SLC2A14: variants seen among roughly 807,000 people sequenced by gnomAD.
SLC2A14 encodes solute carrier family 2, facilitated glucose transporter member 14.
Under a neutral mutation model 43.0 loss-of-function variants are expected in SLC2A14, and 13 were observed. The observed-to-expected ratio is 0.30, with a 90% CI of 0.20 to 0.48. SLC2A14 has a LOEUF of 0.48. Ranked by LOEUF, SLC2A14 falls within the 20% of genes least tolerant of loss-of-function variation. SLC2A14 has a pLI of 0.99. For synonymous variants in SLC2A14, 190 were observed against 233.8 expected (o/e 0.81, Z 1.71); for missense variants, 428 against 620.4 (o/e 0.69, Z 3.29).
chr12:7,838,300 CTGG>C (rs1282551367), intron 2 of SLC2A14, among the ~76,000 whole-genome samples: 2 of 151,506 alleles, frequency 1.3e-5, no homozygotes, highest in Non-Finnish European at 2.9e-5. Context: ...ATTGGCCAGG[CTGG>C]TCTTGAACTC....
chr12:7,877,959 T>A (rs1212898632), upstream of SLC2A14, among the ~76,000 whole-genome samples: 2 of 152,130 alleles, frequency 1.3e-5, no homozygotes, highest in Non-Finnish European at 2.9e-5. Context: ...GTTAGGCTGG[T>A]CTCGAACTCC....
intron 2 of SLC2A14, among the ~76,000 whole-genome samples, chr12:7,845,553 G>A (rs1044543503): frequency 2.6e-5 from 4 of 151,608 alleles, no homozygotes; most frequent in Non-Finnish European, 5.9e-5. Context: ...GCCGAGGCGG[G>A]TGGATCATGA....
intron 7 of SLC2A14, among the ~76,000 whole-genome samples, chr12:7,827,020 TCTC>T (rs1159621518): frequency 4.5e-5 from 6 of 132,740 alleles, no homozygotes; most frequent in Non-Finnish European, 6.7e-5. Context: ...TCTCTCTTTC[TCTC>T]CTTTCTCTCT....
At chr12:7,827,091 CTTTCTCTT>C (rs1302002677) in intron 7 of SLC2A14, among the ~76,000 whole-genome samples, 14 of 111,464 alleles carry the variant, frequency 1.3e-4, no homozygotes, top group Admixed American at 3.0e-4. Flanking sequence ...TTCTTTCTTT[CTTTCTCTT>C]TCTTTCTTTC....
intron 1 of SLC2A14, among the ~76,000 whole-genome samples, chr12:7,883,601 T>C (rs1340565365): frequency 1.4e-5 from 2 of 138,096 alleles, no homozygotes; most frequent in East Asian, 2.1e-4. Context: ...TTTTTTTTTT[T>C]TTTTTTTTTT....
At position 7,883,517 on chromosome 12, in the gene SLC2A14, C is replaced by T. The variant is rs189849449; in HGVS notation, c.132+7479G>A. 1.6e-3 allele frequency among the ~76,000 whole-genome samples: 233 copies of T among 149,682 alleles called. 1 individual carries two copies. Among genetic ancestry groups the T allele is most frequent in the African/African-American group, 5.0e-3 (203 of 40,838 alleles). On this transcript the variant is annotated intron_variant, in intron 1 of 9. Coordinates refer to the SLC2A14 transcript ENST00000539924. The stretch of plus-strand genomic sequence containing the variant: ...TCCTGACCTCATGATCCGCCTGCCT[C>T]GGCCTCCCAAAGTGCTGAGATTACA...
intron 1 of SLC2A14, among the ~76,000 whole-genome samples, chr12:7,889,634 C>T (rs955187038): frequency 6.6e-6 from 1 of 151,210 alleles, no homozygotes; most frequent in African/African-American, 2.4e-5. Flanking sequence ...CTCCCAGGTT[C>T]AAGCGATTCT....
chr12:7,883,508 C>T (rs1289166910), intron 1 of SLC2A14, among the ~76,000 whole-genome samples: 4 of 146,980 alleles, frequency 2.7e-5, no homozygotes, highest in Admixed American at 6.9e-5. Flanking sequence ...CCTCATGATC[C>T]GCCTGCCTCG....
chr12:7,871,171 G>C, intron 1 of SLC2A14: 1 of 1,259,088 alleles, frequency 7.9e-7, no homozygotes, highest in South Asian at 1.7e-5. Context: ...GATCCAAAAC[G>C]CCTTCACCTG....
intron 2 of SLC2A14, among the ~76,000 whole-genome samples, chr12:7,847,321 G>C (rs1255333538): frequency 6.6e-6 from 1 of 152,064 alleles, no homozygotes; most frequent in Non-Finnish European, 1.5e-5. Flanking sequence ...TTGTACCACT[G>C]TACCAATTAT....
intron 2 of SLC2A14, among the ~76,000 whole-genome samples, chr12:7,844,601 A>G (rs543844573): frequency 6.1e-4 from 92 of 151,390 alleles, no homozygotes; most frequent in Non-Finnish European, 1.1e-3. Flanking sequence ...CAGTGGCACA[A>G]TCTCGGCTCA....
chr12:7,873,232 G>A (rs191963754), upstream of SLC2A14: 83 of 985,486 alleles, frequency 8.4e-5, no homozygotes, highest in East Asian at 6.2e-3. Context: ...GGGTGTGAAC[G>A]TATCTATTTT....
At chr12:7,849,046 G>T (rs1187297174) in intron 2 of SLC2A14, among the ~76,000 whole-genome samples, 1 of 151,918 alleles carries the variant, frequency 6.6e-6, no homozygotes, top group Admixed American at 6.6e-5. Flanking sequence ...TAGAGACAGG[G>T]TTTTGCCATG....
intron 2 of SLC2A14, among the ~76,000 whole-genome samples, chr12:7,839,327 A>C (rs2120841869): frequency 6.8e-6 from 1 of 147,894 alleles, no homozygotes; most frequent in Non-Finnish European, 1.5e-5. Context: ...CAGCATTTCA[A>C]ACAGAAGGCA....
At chr12:7,890,851 G>T (rs190062869) in intron 1 of SLC2A14, 15 of 820,060 alleles carry the variant, frequency 1.8e-5, no homozygotes, top group Admixed American at 3.4e-5. Context: ...CTCAGCCTCG[G>T]TGAGTCTTGG....
rs1863141263 is a variant in SLC2A14 at position 7,812,644 on chromosome 12, G to A, written c.*1672C>T. The A allele has an allele frequency of 6.6e-6, 1 of 152,160 alleles. No homozygotes were observed. The highest frequency in any genetic ancestry group is 1.5e-5 in the Non-Finnish European group (1 of 68,038). The allele number at this position is 152,160 out of a possible 1,614,324, so 9.4% of individuals were successfully genotyped here. A position where few individuals can be genotyped will look rare whatever the true frequency, so the allele number is the denominator to read the frequency against. On this transcript the variant is annotated 3_prime_UTR_variant, in exon 11 of 11. Transcript: ENST00000431042. ...AACTTCCCTGCCTTACTGCCAAACT[G>A]AGGAGCCAGAAGTTGACGTGAAGTT...
intron 2 of SLC2A14, among the ~76,000 whole-genome samples, chr12:7,843,018 G>A (rs538507157): frequency 1.1e-4 from 16 of 152,114 alleles, no homozygotes; most frequent in Middle Eastern, 3.4e-3. Flanking sequence ...GTGAGCCACC[G>A]CGCCTGGCCA....
At chr12:7,846,369 A>G (rs1437751439) in intron 2 of SLC2A14, among the ~76,000 whole-genome samples, 1 of 151,506 alleles carries the variant, frequency 6.6e-6, no homozygotes, top group African/African-American at 2.4e-5. Context: ...TCACTCAACA[A>G]CCCTTCCCTA....
intron 2 of SLC2A14, among the ~76,000 whole-genome samples, chr12:7,859,399 T>TA (rs1028787468): frequency 1.8e-3 from 246 of 134,596 alleles, no homozygotes; most frequent in African/African-American, 5.3e-3. Flanking sequence ...TCTCAAAAAA[T>TA]AAAAAAAAAA....
Sources: allele counts gnomAD v4.1 joint callset (sites outside exome capture counted in the v4.1 genomes callset), GRCh38; gene constraint gnomAD v4.1.1; transcripts MANE v1.5; gene names NCBI Gene and HGNC (gene_info 2026-07-23, HGNC 2026-07-21).